Variants in KMT2E observed in about 807,000 individuals in gnomAD.
KMT2E encodes lysine methyltransferase 2E (inactive), also known as histone reader KMT2E.
Under a neutral mutation model 184.6 loss-of-function variants are expected in KMT2E, and 30 were observed. The observed-to-expected ratio is 0.16, with a 90% CI of 0.12 to 0.22. The LOEUF (loss-of-function observed/expected upper bound fraction) is 0.22, where lower values mean the gene tolerates loss of function less well. Ranked by LOEUF, KMT2E falls within the 10% of genes least tolerant of loss-of-function variation. The pLI is 1.00. For synonymous variants in KMT2E, 815 were observed against 776.5 expected (o/e 1.05, Z -0.82); for missense variants, 2,023 against 2,237.4 (o/e 0.90, Z 1.93).
At chr7:105,051,056 TC>T (rs1307713716) in intron 3 of KMT2E, among the ~76,000 whole-genome samples, 140 of 151,380 alleles carry the variant, frequency 9.2e-4, no homozygotes, top group African/African-American at 2.7e-3. Context: ...CTTCTTTCTT[TC>T]CTTTTCTTTC....
At chr7:105,083,005 A>G (rs1797818279) in intron 13 of KMT2E, among the ~76,000 whole-genome samples, 1 of 152,016 alleles carries the variant, frequency 6.6e-6, no homozygotes, top group South Asian at 2.1e-4. Context: ...TAGCTCTTGA[A>G]TTTCTCTGAG....
At chr7:105,043,850 G>T (rs1795990195) in intron 3 of KMT2E, among the ~76,000 whole-genome samples, 1 of 152,154 alleles carries the variant, frequency 6.6e-6, no homozygotes, top group Non-Finnish European at 1.5e-5. Flanking sequence ...CAGTGCTTTG[G>T]GAGGCTGAGG....
In KMT2E at chr7:105,105,618, A is replaced by G. The variant is rs767559243; in HGVS notation, c.2376A>G (p.Arg792=). ...HVYSTPKHYI[R]FTSPFLSEKR... Reference sequence around the variant, plus strand: ...ACTCCACTCCTAAGCATTATATTAGATTTACTTCACCATTCCTTTCAGAAA... The same window carrying G: ...ACTCCACTCCTAAGCATTATATTAGGTTTACTTCACCATTCCTTTCAGAAA... Residue 792 remains arginine (R), a synonymous_variant, in exon 18 of 27, where the codon AGA becomes AGG. Coordinates refer to ENST00000311117, the MANE Select transcript of KMT2E (RefSeq NM_182931.3). 23 of 1,613,146 alleles carry G rather than the reference A, an allele frequency of 1.4e-5. No homozygotes were observed. In the South Asian group the frequency reaches 2.4e-4, roughly 17 times the overall value.
At position 105,074,883 on chromosome 7, in the gene KMT2E, G is replaced by A. The variant is rs921876113; in HGVS notation, c.729+68G>A. On this transcript the variant is annotated intron_variant, in intron 8 of 26. Transcript: ENST00000311117. The stretch of plus-strand genomic sequence containing the variant: ...ATAGGGAACTGAATTTTATAGGAGA[G>A]GCAGGAGAGTGAGAATAATCGATGA... The A allele has an allele frequency of 1.1e-5, 13 of 1,161,622 alleles. No individual in the cohort carries two copies. In the South Asian group the frequency reaches 2.8e-4, roughly 25 times the overall value. 72.0% of individuals were successfully genotyped at this position (1,161,622 alleles called of 1,614,324 possible). A position where few individuals can be genotyped will look rare whatever the true frequency, so the allele number is the denominator to read the frequency against.
Position 105,113,088 on chromosome 7 carries a change from C to T in KMT2E, c.5332C>T (p.Gln1778Ter). The stretch of plus-strand genomic sequence containing the variant: ...CACTTTGGGACCGGGACCCCAGCAC[C>T]AGCCTTCTGGAACAGGGCCACATTG... Reference protein sequence around the residue: ...HTTLGPGPQHQPSGTGPHCPL... With the variant: ...HTTLGPGPQH Residue 1778 changes from glutamine (Q) to a stop codon, truncating the protein, a stop_gained, in exon 27 of 27, where the codon CAG becomes TAG. Coordinates refer to ENST00000311117, the MANE Select transcript of KMT2E (RefSeq NM_182931.3). LOFTEE classifies it high-confidence loss of function. 6.2e-7 allele frequency: 1 copy of T among 1,614,198 alleles called. No homozygotes were observed. Among genetic ancestry groups the T allele is most frequent in the Non-Finnish European group, 8.5e-7 (1 of 1,180,046 alleles).
intron 3 of KMT2E, among the ~76,000 whole-genome samples, chr7:105,060,814 A>G (rs1325662427): frequency 6.6e-6 from 1 of 152,146 alleles, no homozygotes; most frequent in Non-Finnish European, 1.5e-5. Flanking sequence ...GCATTGTGTT[A>G]CCTACGATAT....
rs1799397891 is a variant in KMT2E, at chr7:105,113,061, A to G, written c.5305A>G (p.Thr1769Ala). The G allele has an allele frequency of 1.9e-6, 3 of 1,613,838 alleles. No homozygotes were observed. Among genetic ancestry groups the G allele is most frequent in the Admixed American group, 1.7e-5 (1 of 59,970 alleles). The change falls in exon 27 of 27, where the codon ACC becomes GCC. Residue 1769 changes from threonine to alanine, a missense_variant. By Grantham distance (58) the Thr-to-Ala change is moderately conservative. Around this residue, in one of 8 missense-constraint regions of KMT2E, gnomAD observed 1,108 missense variants for 1,050.9 expected, o/e 1.05. Transcript: ENST00000311117. ...PPYPSQATHH[T>A]TLGPGPQHQP... ...GTATCCCTCACAAGCTACACATCAT[A>G]CCACTTTGGGACCGGGACCCCAGCA... is the stretch of plus-strand genomic sequence containing the variant.
rs144493689 is a variant in KMT2E, at chr7:105,102,164, A to G, written c.2166A>G (p.Lys722=). ...AAACTGAAGTTCCAGCACTTAATAA[A>G]TGTCCTACCAAGTACCCCAAAACAA... ...ITETEVPALN[K]CPTKYPKTKK... The change falls in exon 17 of 27, where the codon AAA becomes AAG. Residue 722 remains lysine, a synonymous_variant. Coordinates refer to ENST00000311117, the MANE Select transcript of KMT2E (RefSeq NM_182931.3). The G allele has an allele frequency of 1.9e-6, 3 of 1,609,890 alleles. No individual in the cohort carries two copies. The highest frequency in any genetic ancestry group is 2.7e-5 in the African/African-American group (2 of 74,682).
At chr7:105,086,890 T>A (rs1393997670) in intron 13 of KMT2E, among the ~76,000 whole-genome samples, 4 of 110,834 alleles carry the variant, frequency 3.6e-5, no homozygotes, top group African/African-American at 1.8e-4. Flanking sequence ...CTATATATTA[T>A]AGCATATATA....
rs143020384 is a variant in KMT2E, at chr7:105,102,439, TTAAA to T, written c.2196+249_2196+252del. ...TATGGTATTGCAATTCATGATTTCT[TTAAA>T]TAAGTTTGTCTACTTTATGTACAAA... On this transcript the variant is annotated intron_variant, in intron 17 of 26. Coordinates refer to ENST00000311117, the MANE Select transcript of KMT2E (RefSeq NM_182931.3). 1,449 of 321,160 alleles carry T rather than the reference TTAAA, an allele frequency of 4.5e-3. 34 individuals are homozygous for T. In the East Asian group the frequency reaches 0.057, roughly 13 times the overall value. 19.9% of individuals were successfully genotyped at this position (321,160 alleles called of 1,614,324 possible). A position where few individuals can be genotyped will look rare whatever the true frequency, so the allele number is the denominator to read the frequency against.
intron 5 of KMT2E, among the ~76,000 whole-genome samples, chr7:105,064,351 G>A (rs1320866806): frequency 6.6e-6 from 1 of 151,564 alleles, no homozygotes; most frequent in Non-Finnish European, 1.5e-5. Flanking sequence ...AATTTCCTGG[G>A]TCTGGTCATT....
At chr7:105,046,956 G>C (rs901782903) in intron 3 of KMT2E, among the ~76,000 whole-genome samples, 3 of 152,092 alleles carry the variant, frequency 2.0e-5, no homozygotes, top group Non-Finnish European at 4.4e-5. Flanking sequence ...GAATGTAGTT[G>C]TACTTATGGC....
chr7:105,075,898 A>G (rs1797506635), intron 8 of KMT2E, 145 bp from the exon 9 acceptor site: 1 of 642,970 alleles, frequency 1.6e-6, no homozygotes, highest in East Asian at 2.8e-5. Context: ...GCCTTTATTA[A>G]ACATTCTCCT....
chr7:105,028,121 G>T (rs916280428), intron 1 of KMT2E, among the ~76,000 whole-genome samples: 1 of 151,302 alleles, frequency 6.6e-6, no homozygotes, highest in African/African-American at 2.4e-5. Context: ...TGAGCAAAAA[G>T]ATAGATATTT....
chr7:105,022,881 G>A (rs1033124526), intron 1 of KMT2E, among the ~76,000 whole-genome samples: 4 of 152,138 alleles, frequency 2.6e-5, no homozygotes, highest in Admixed American at 2.6e-4. Flanking sequence ...TTTCTGTAAG[G>A]CATATGGGCT....
chr7:105,106,638 C>A lies in KMT2E; in HGVS notation c.2713C>A (p.Pro905Thr). Reference sequence around the variant, plus strand: ...TACACCAACTCACACCGATATTACTCCTATGGACCCATCTTTTGCCACGCC... The same window carrying A: ...TACACCAACTCACACCGATATTACTACTATGGACCCATCTTTTGCCACGCC... ...YATPTHTDIT[P>T]MDPSFATPPR... Residue 905 changes from proline to threonine, a missense_variant, in exon 20 of 27, where the codon CCT (proline) becomes ACT (threonine). Transcript: ENST00000311117. 1.2e-6 allele frequency: 2 copies of A among 1,614,118 alleles called. No individual in the cohort carries two copies. Among genetic ancestry groups the A allele is most frequent in the Non-Finnish European group, 1.7e-6 (2 of 1,179,980 alleles).
chr7:105,035,132 C>A (rs547730965), intron 1 of KMT2E, among the ~76,000 whole-genome samples: 1 of 150,728 alleles, frequency 6.6e-6, no homozygotes, highest in Non-Finnish European at 1.5e-5. Flanking sequence ...TCATGCCATT[C>A]TCCTGCCTCA....
chr7:105,024,760 T>A (rs1795103670), intron 1 of KMT2E, among the ~76,000 whole-genome samples: 1 of 152,192 alleles, frequency 6.6e-6, no homozygotes, highest in Non-Finnish European at 1.5e-5. Context: ...TTCTTGGTGC[T>A]TTATACTTTT....
intron 5 of KMT2E, among the ~76,000 whole-genome samples, chr7:105,064,417 T>C: frequency 6.6e-6 from 1 of 152,020 alleles, no homozygotes; most frequent in Non-Finnish European, 1.5e-5. Context: ...CATATTTGAA[T>C]GTAAGTATAA....
Sources: gnomAD v4.1 joint callset for allele counts (sites outside exome capture counted in the v4.1 genomes callset) on GRCh38, gnomAD v4.1.1 for gene constraint, gnomAD v4.1.1 regional missense constraint, MANE v1.5 for transcripts, NCBI Gene and HGNC (gene_info 2026-07-23, HGNC 2026-07-21) for gene names.